Variants in PARD3 observed in about 807,000 individuals in gnomAD.
PARD3 encodes par-3 family cell polarity regulator, also known as partitioning defective 3 homolog.
In PARD3, 75 loss-of-function variants were observed where a neutral mutation model predicts 155.4. The ratio of observed to expected loss-of-function variants is 0.48; its 90% CI spans 0.40 to 0.58. The LOEUF is 0.58. Among genes scored for constraint, PARD3 ranks in the 20% least tolerant of loss-of-function variants. The pLI is 0.00. For missense variants in PARD3, 1,642 were observed against 1,721.7 expected, an observed-to-expected ratio of 0.95 and a Z score of 0.82; for synonymous variants, 576 against 610.5, an observed-to-expected ratio of 0.94 and a Z score of 0.83.
chr10:34,665,450 G>A (rs1466047977), intron 2 of PARD3, among the ~76,000 whole-genome samples: 3 of 152,238 alleles, frequency 2.0e-5, no homozygotes, highest in South Asian at 2.1e-4. Context: ...AACCTGGGAG[G>A]TAGAGGTTGC....
intron 2 of PARD3, among the ~76,000 whole-genome samples, chr10:34,559,060 C>T (rs1048953033): frequency 2.0e-5 from 3 of 151,294 alleles, no homozygotes; most frequent in Non-Finnish European, 2.9e-5. Flanking sequence ...ACAGAATTAG[C>T]CTCTAAGGCC....
At chr10:34,281,940 T>C (rs772159772) in intron 21 of PARD3, among the ~76,000 whole-genome samples, 14 of 151,934 alleles carry the variant, frequency 9.2e-5, no homozygotes, top group Non-Finnish European at 1.8e-4. Context: ...GAGGGAAAGG[T>C]TGTAAGGAGA....
chr10:34,227,540 A>G (rs930508316), intron 22 of PARD3, among the ~76,000 whole-genome samples: 1 of 152,184 alleles, frequency 6.6e-6, no homozygotes, highest in African/African-American at 2.4e-5. Context: ...CAGGAGGCTG[A>G]GGCAAGAGAA....
chr10:34,781,663 G>C (rs540261187), intron 1 of PARD3, among the ~76,000 whole-genome samples: 67 of 152,208 alleles, frequency 4.4e-4, no homozygotes, highest in Non-Finnish European at 8.8e-4. Context: ...GGGCCTCTGG[G>C]AGGAAAAGTT....
chr10:34,313,033 C>T (rs1254798924), intron 20 of PARD3, among the ~76,000 whole-genome samples: 1 of 152,178 alleles, frequency 6.6e-6, no homozygotes, highest in African/African-American at 2.4e-5. Context: ...AAGAAGGCTG[C>T]TTTCCTTTAA....
At chr10:34,689,994 G>GT (rs1397116377) in intron 2 of PARD3, among the ~76,000 whole-genome samples, 4 of 152,038 alleles carry the variant, frequency 2.6e-5, no homozygotes, top group African/African-American at 9.7e-5. Context: ...GCCCAGGCTG[G>GT]AGTACAGTGG....
intron 1 of PARD3, among the ~76,000 whole-genome samples, chr10:34,805,022 C>T (rs1050376203): frequency 6.6e-6 from 1 of 152,184 alleles, no homozygotes; most frequent in African/African-American, 2.4e-5. Flanking sequence ...AACCCTATAA[C>T]ATAGATTAGT....
chr10:34,797,739 T>C (rs1842431084), intron 1 of PARD3, among the ~76,000 whole-genome samples: 1 of 152,168 alleles, frequency 6.6e-6, no homozygotes, highest in African/African-American at 2.4e-5. Flanking sequence ...CAAATTGGCC[T>C]TTCCTTCCCC....
At chr10:34,308,602 G>A (rs1223866661) in intron 20 of PARD3, among the ~76,000 whole-genome samples, 1 of 152,152 alleles carries the variant, frequency 6.6e-6, no homozygotes, top group Non-Finnish European at 1.5e-5. Context: ...TTTGCGGGGA[G>A]GGGGAATCCA....
chr10:34,353,790 G>A lies in PARD3; in HGVS notation c.2067+5357C>T, dbSNP rs541650787. 2.6e-5 allele frequency among the ~76,000 whole-genome samples: 4 copies of A among 151,540 alleles called. No individual in the cohort carries two copies. The South Asian group carries it at 8.4e-4, about 32-fold the overall frequency. Reference sequence around the variant, plus strand: ...GTCTTCAACAAATGTGTCCTTTGAGGTAAGTGAAAACAATTTTTCTCTTCT... The same window carrying A: ...GTCTTCAACAAATGTGTCCTTTGAGATAAGTGAAAACAATTTTTCTCTTCT... On this transcript the variant is annotated intron_variant, in intron 14 of 24. Coordinates refer to ENST00000374788, the MANE Select transcript of PARD3 (RefSeq NM_001184785.2).
chr10:34,712,669 A>G (rs1343603399), intron 1 of PARD3, among the ~76,000 whole-genome samples: 1 of 152,124 alleles, frequency 6.6e-6, no homozygotes. Flanking sequence ...AAGGTGACAC[A>G]TTAGGAAGGG....
At chr10:34,342,726 C>T (rs1299961634) in intron 15 of PARD3, among the ~76,000 whole-genome samples, 2 of 152,068 alleles carry the variant, frequency 1.3e-5, no homozygotes, top group African/African-American at 4.8e-5. Flanking sequence ...GACATTTCAG[C>T]AAAGGAGAAA....
intron 1 of PARD3, among the ~76,000 whole-genome samples, chr10:34,811,453 T>C (rs1588872453): frequency 6.6e-6 from 1 of 152,256 alleles, no homozygotes; most frequent in East Asian, 1.9e-4. Flanking sequence ...TGCAGGCAGG[T>C]GCCTCACCCA....
At chr10:34,328,152 A>AT (rs990433440) in intron 19 of PARD3, among the ~76,000 whole-genome samples, 52 of 151,708 alleles carry the variant, frequency 3.4e-4, no homozygotes, top group Admixed American at 2.7e-3. Flanking sequence ...TTGATAGACA[A>AT]TTTTTTTTTA....
At chr10:34,602,108 C>A (rs2089836113) in intron 2 of PARD3, among the ~76,000 whole-genome samples, 1 of 152,168 alleles carries the variant, frequency 6.6e-6, no homozygotes. Flanking sequence ...ACTCTACTGT[C>A]TTACTGAACA....
intron 22 of PARD3, among the ~76,000 whole-genome samples, chr10:34,158,225 A>G (rs371943628): frequency 2.8e-5 from 4 of 144,236 alleles, no homozygotes; most frequent in African/African-American, 9.8e-5. Flanking sequence ...CAAATAAAAA[A>G]CAAACAAACA....
At chr10:34,648,569 T>TA (rs1192814841) in intron 2 of PARD3, among the ~76,000 whole-genome samples, 2 of 152,156 alleles carry the variant, frequency 1.3e-5, no homozygotes, top group Non-Finnish European at 1.5e-5. Flanking sequence ...AGGCATTAGT[T>TA]AGATTCTCAA....
intron 2 of PARD3, among the ~76,000 whole-genome samples, chr10:34,642,763 T>C (rs2092719300): frequency 6.6e-6 from 1 of 151,958 alleles, no homozygotes; most frequent in South Asian, 2.1e-4. Context: ...CTGGCCACTT[T>C]GCCCTCTTTC....
intron 1 of PARD3, among the ~76,000 whole-genome samples, chr10:34,795,011 T>G (rs1842092923): frequency 6.6e-6 from 1 of 152,262 alleles, no homozygotes; most frequent in Non-Finnish European, 1.5e-5. Flanking sequence ...ACTGACTAAT[T>G]TGGCAAATAG....
Sources: gnomAD v4.1 joint callset for allele counts (sites outside exome capture counted in the v4.1 genomes callset) on GRCh38, gnomAD v4.1.1 for gene constraint, MANE v1.5 for transcripts, NCBI Gene and HGNC (gene_info 2026-07-23, HGNC 2026-07-21) for gene names.